Variants in TACR3 observed in about 807,000 individuals in gnomAD.
TACR3 encodes neuromedin-K receptor.
TACR3 carries 34 observed loss-of-function variants against 35.0 expected under a neutral mutation model. The observed-to-expected ratio is 0.97, with a 90% CI of 0.74 to 1.30. TACR3 has a LOEUF of 1.30. TACR3 is among the 50% of genes most tolerant of loss of function. The pLI is 0.00. For missense variants in TACR3, 558 were observed against 591.7 expected, an observed-to-expected ratio of 0.94 and a Z score of 0.59; for synonymous variants, 233 against 221.1, an observed-to-expected ratio of 1.05 and a Z score of -0.48.
intron 3 of TACR3, among the ~76,000 whole-genome samples, chr4:103,629,075 G>T (rs1178943247): frequency 6.6e-6 from 1 of 152,124 alleles, no homozygotes; most frequent in Non-Finnish European, 1.5e-5. Flanking sequence ...AAAGGCCTTT[G>T]ACAAAATTCA....
intron 1 of TACR3, among the ~76,000 whole-genome samples, chr4:103,666,574 T>A (rs1257016960): frequency 6.6e-6 from 1 of 152,206 alleles, no homozygotes; most frequent in Non-Finnish European, 1.5e-5. Context: ...ACTTTATATA[T>A]AACTCATTTA....
intron 3 of TACR3, among the ~76,000 whole-genome samples, chr4:103,626,941 G>T (rs983431301): frequency 1.3e-5 from 2 of 151,590 alleles, no homozygotes; most frequent in Non-Finnish European, 2.9e-5. Flanking sequence ...TTGGGAGATT[G>T]AGGTGGGCGG....
Position 103,719,955 on chromosome 4 carries a change from G to T in TACR3, c.-280C>A. 1.8e-6 allele frequency: 1 copy of T among 541,702 alleles called. No individual in the cohort carries two copies. Among genetic ancestry groups the T allele is most frequent in the Admixed American group, 3.1e-5 (1 of 31,944 alleles). 33.6% of individuals were successfully genotyped at this position (541,702 alleles called of 1,614,324 possible). On this transcript the variant is annotated 5_prime_UTR_variant, in exon 1 of 5. Transcript: ENST00000304883. Reference sequence around the variant, plus strand: ...TCGAGTCACATCACACGTAGGGAGGGTGCCAGCTGCCCGGCACAGGCTGGA... The same window carrying T: ...TCGAGTCACATCACACGTAGGGAGGTTGCCAGCTGCCCGGCACAGGCTGGA...
rs201025607 is a variant in TACR3, at chr4:103,697,398, ATTTG to A, written c.548+21726_548+21729del. On this transcript the variant is annotated intron_variant, in intron 1 of 4. Transcript: ENST00000304883. ...GGGCACTTGTGTTATTTATTTATTT[ATTTG>A]TTTATTTATTTATTTATTTATTTAT... Among the ~76,000 whole-genome samples, 619 of 126,890 alleles carry A rather than the reference ATTTG, an allele frequency of 4.9e-3. 7 individuals carry two copies. Among genetic ancestry groups the A allele is most frequent in the African/African-American group, 0.02 (581 of 29,050 alleles). The allele number at this position is 126,890 out of a possible 152,430, so 83.2% of individuals were successfully genotyped here.
chr4:103,627,122 C>T lies in TACR3; in HGVS notation c.888+29072G>A, dbSNP rs201539649. Among the ~76,000 whole-genome samples the T allele has an allele frequency of 3.1e-4, 41 of 133,646 alleles. No homozygotes were observed. In the East Asian group the frequency reaches 7.0e-3, roughly 23 times the overall value. 87.7% of individuals were successfully genotyped at this position (133,646 alleles called of 152,430 possible). ...ACTTGAACTCAGGAGGCGGAGGTTG[C>T]CGTGAGCCGAGATCATGCCATTGCA... On this transcript the variant is annotated intron_variant, in intron 3 of 4. Coordinates refer to ENST00000304883, the MANE Select transcript of TACR3 (RefSeq NM_001059.3).
intron 1 of TACR3, among the ~76,000 whole-genome samples, chr4:103,703,854 A>G (rs1465663822): frequency 6.6e-6 from 1 of 151,968 alleles, no homozygotes; most frequent in Non-Finnish European, 1.5e-5. Flanking sequence ...TAATCCCAGC[A>G]CTTTGGGAGG....
chr4:103,684,897 T>C lies in TACR3; in HGVS notation c.549-26494A>G, dbSNP rs1287914040. Among the ~76,000 whole-genome samples the C allele has an allele frequency of 2.6e-5, 4 of 151,760 alleles. No individual in the cohort carries two copies. In the East Asian group the frequency reaches 5.8e-4, roughly 22 times the overall value. ...GTGAACACCTGCAGTCCTAGGAGAATTGCTTGAACCTGGGAGGTGGAGGTT... is the reference window on the plus strand; with the variant it reads ...GTGAACACCTGCAGTCCTAGGAGAACTGCTTGAACCTGGGAGGTGGAGGTT... On this transcript the variant is annotated intron_variant, in intron 1 of 4. Transcript: ENST00000304883.
At chr4:103,691,852 TC>T (rs1722410512) in intron 1 of TACR3, among the ~76,000 whole-genome samples, 1 of 152,182 alleles carries the variant, frequency 6.6e-6, no homozygotes, top group Non-Finnish European at 1.5e-5. Flanking sequence ...ATTTGGTCCA[TC>T]CCTTCGTTTC....
intron 3 of TACR3, among the ~76,000 whole-genome samples, chr4:103,600,078 C>G (rs1367868004): frequency 2.0e-5 from 3 of 152,072 alleles, no homozygotes; most frequent in Non-Finnish European, 4.4e-5. Context: ...GTGAATCCAT[C>G]TGGTCCTGGA....
At chr4:103,607,649 C>A (rs1440124835) in intron 3 of TACR3, among the ~76,000 whole-genome samples, 2 of 151,898 alleles carry the variant, frequency 1.3e-5, no homozygotes, top group East Asian at 3.9e-4. Flanking sequence ...TTAGATTGAA[C>A]ATATAGAGAA....
At chr4:103,643,528 C>T (rs1725401101) in intron 3 of TACR3, among the ~76,000 whole-genome samples, 1 of 151,654 alleles carries the variant, frequency 6.6e-6, no homozygotes, top group East Asian at 1.9e-4. Context: ...GTTTTGCATT[C>T]TGTAGGAATG....
chr4:103,641,291 C>T (rs780765518), intron 3 of TACR3, among the ~76,000 whole-genome samples: 2 of 151,668 alleles, frequency 1.3e-5, no homozygotes, highest in African/African-American at 2.4e-5. Flanking sequence ...AGTACCATAC[C>T]ATTTTGATTA....
chr4:103,610,415 T>C (rs576260763), intron 3 of TACR3, among the ~76,000 whole-genome samples: 3 of 152,246 alleles, frequency 2.0e-5, no homozygotes, highest in South Asian at 4.1e-4. Context: ...TAGTCCTTTG[T>C]ATGTCTTCTT....
intron 3 of TACR3, chr4:103,624,212 A>T (rs1049124825): frequency 2.6e-5 from 4 of 152,018 alleles, no homozygotes; most frequent in African/African-American, 4.8e-5. Flanking sequence ...TTCTTTGCAG[A>T]TTTAGTATAC....
At chr4:103,632,775 T>A (rs1398746831) in intron 3 of TACR3, among the ~76,000 whole-genome samples, 1 of 152,092 alleles carries the variant, frequency 6.6e-6, no homozygotes, top group Non-Finnish European at 1.5e-5. Context: ...CCAATCTATT[T>A]CCAGAAAAGT....
intron 3 of TACR3, among the ~76,000 whole-genome samples, chr4:103,641,583 A>G (rs1256986872): frequency 2.6e-5 from 4 of 151,968 alleles, no homozygotes; most frequent in African/African-American, 9.7e-5. Context: ...CAGAAAGCTA[A>G]AAATTAAACA....
intron 1 of TACR3, among the ~76,000 whole-genome samples, chr4:103,672,328 C>T (rs1373730946): frequency 6.6e-6 from 1 of 152,120 alleles, no homozygotes; most frequent in Non-Finnish European, 1.5e-5. Flanking sequence ...ATCACTATGG[C>T]AGCTATTGCC....
intron 3 of TACR3, among the ~76,000 whole-genome samples, chr4:103,597,377 G>C (rs1020634338): frequency 6.6e-6 from 1 of 151,988 alleles, no homozygotes; most frequent in Non-Finnish European, 1.5e-5. Context: ...TAAATGCTTG[G>C]AATAAAAATG....
intron 3 of TACR3, among the ~76,000 whole-genome samples, chr4:103,637,617 G>T (rs1215565610): frequency 6.6e-6 from 1 of 152,064 alleles, no homozygotes; most frequent in Non-Finnish European, 1.5e-5. Context: ...GGAAATAAAG[G>T]GTATTCAGTT....
Sources: allele counts gnomAD v4.1 joint callset (sites outside exome capture counted in the v4.1 genomes callset), GRCh38; gene constraint gnomAD v4.1.1; transcripts MANE v1.5; gene names NCBI Gene and HGNC (gene_info 2026-07-23, HGNC 2026-07-21).